DGKB: variants seen among roughly 807,000 people sequenced by gnomAD.
DGKB encodes 90 kDa diacylglycerol kinase.
In DGKB, 67 loss-of-function variants were observed where a neutral mutation model predicts 114.3. The ratio of observed to expected loss-of-function variants is 0.59; its 90% CI spans 0.48 to 0.72. DGKB has a LOEUF of 0.72. Ranked by LOEUF, DGKB falls within the 30% of genes least tolerant of loss-of-function variation. The pLI, the probability that DGKB is intolerant of heterozygous loss-of-function variation, is 0.00. For missense variants in DGKB, 907 were observed against 975.2 expected (o/e 0.93, Z 0.93); for synonymous variants, 398 against 323.1 (o/e 1.23, Z -2.49).
At chr7:14,495,518 C>T (rs973110541) in intron 20 of DGKB, among the ~76,000 whole-genome samples, 4 of 151,120 alleles carry the variant, frequency 2.6e-5, no homozygotes, top group African/African-American at 7.3e-5. Context: ...ACCAAGATGA[C>T]AATTTCAGCA....
At chr7:14,926,902 G>T (rs762215786) in intron 1 of DGKB, among the ~76,000 whole-genome samples, 3 of 151,902 alleles carry the variant, frequency 2.0e-5, no homozygotes, top group Non-Finnish European at 4.4e-5. Flanking sequence ...CCCTACAGAA[G>T]ATTCGTATTT....
intron 23 of DGKB, among the ~76,000 whole-genome samples, chr7:14,207,090 A>G (rs1230112302): frequency 1.3e-5 from 2 of 152,010 alleles, no homozygotes; most frequent in African/African-American, 4.8e-5. Flanking sequence ...GCTGCCCAAC[A>G]CTTTTTAAGC....
At chr7:14,670,848 C>G (rs1818849092) in intron 13 of DGKB, among the ~76,000 whole-genome samples, 1 of 152,004 alleles carries the variant, frequency 6.6e-6, no homozygotes, top group East Asian at 1.9e-4. Context: ...TCCATAAAAG[C>G]AAAGATTTGT....
chr7:14,357,291 G>C (rs1487597572), intron 21 of DGKB, among the ~76,000 whole-genome samples: 2 of 152,144 alleles, frequency 1.3e-5, no homozygotes, highest in Non-Finnish European at 2.9e-5. Context: ...TGTATTGGGT[G>C]CATATATATT....
chr7:14,177,942 C>G, intron 24 of DGKB, 89 bp downstream of exon 24: 1 of 1,340,174 alleles, frequency 7.5e-7, no homozygotes, highest in Non-Finnish European at 1.0e-6. Context: ...CCAAAGAAGA[C>G]AATGTTACTA....
intron 2 of DGKB, among the ~76,000 whole-genome samples, chr7:14,765,142 TA>T (rs1252450902): frequency 6.6e-6 from 1 of 151,956 alleles, no homozygotes; most frequent in African/African-American, 2.4e-5. Flanking sequence ...TTTAAAATCC[TA>T]AAAATAATAT....
At chr7:14,834,221 A>G (rs2128127380) in intron 2 of DGKB, among the ~76,000 whole-genome samples, 1 of 152,328 alleles carries the variant, frequency 6.6e-6, no homozygotes, top group Non-Finnish European at 1.5e-5. Flanking sequence ...ACTAACAAAA[A>G]TAAGAGCTAT....
At chr7:14,491,589 C>A (rs1054744849) in intron 20 of DGKB, among the ~76,000 whole-genome samples, 2 of 151,940 alleles carry the variant, frequency 1.3e-5, no homozygotes, top group African/African-American at 2.4e-5. Context: ...TTGCTAATGC[C>A]ATTAGCATCC....
rs543952451 is a variant in DGKB, at chr7:14,241,989, T to C, written c.2123-63838A>G. On this transcript the variant is annotated intron_variant, in intron 23 of 25. Coordinates refer to ENST00000402815, the MANE Select transcript of DGKB (RefSeq NM_001350709.2). ...ACACACACACACACACACACACACA[T>C]ATATATATACACAAAAGTGACCTAA... Among the ~76,000 whole-genome samples the C allele has an allele frequency of 2.2e-3, 326 of 150,590 alleles. 1 individual carries two copies. Among genetic ancestry groups the C allele is most frequent in the Middle Eastern group, 0.014 (4 of 290 alleles).
intron 23 of DGKB, among the ~76,000 whole-genome samples, chr7:14,256,244 C>T (rs566093052): frequency 6.6e-6 from 1 of 152,182 alleles, no homozygotes; most frequent in South Asian, 2.1e-4. Flanking sequence ...CTGAGTTGAT[C>T]TCTTAGCTCA....
intron 23 of DGKB, among the ~76,000 whole-genome samples, chr7:14,241,997 T>TAC (rs1278394217): frequency 8.7e-5 from 13 of 149,498 alleles, no homozygotes; most frequent in East Asian, 5.8e-4. Context: ...CATATATATA[T>TAC]ACACAAAAGT....
intron 24 of DGKB, among the ~76,000 whole-genome samples, chr7:14,177,122 T>C (rs1781869399): frequency 6.6e-6 from 1 of 152,058 alleles, no homozygotes; most frequent in African/African-American, 2.4e-5. Context: ...GTAGTGACAT[T>C]TAAAAAAATT....
At chr7:14,204,349 G>C (rs139026933) in intron 23 of DGKB, among the ~76,000 whole-genome samples, 117 of 152,024 alleles carry the variant, frequency 7.7e-4, no homozygotes, top group African/African-American at 2.8e-3. Flanking sequence ...GGCTTCAACT[G>C]TTCTAATTTA....
chr7:14,745,765 C>G (rs1378846528), intron 4 of DGKB, among the ~76,000 whole-genome samples: 1 of 148,494 alleles, frequency 6.7e-6, no homozygotes, highest in Admixed American at 6.8e-5. Flanking sequence ...ACTTTCCTTT[C>G]ACTTAATAAA....
chr7:14,902,356 G>C (rs1196419913), intron 1 of DGKB, among the ~76,000 whole-genome samples: 1 of 152,116 alleles, frequency 6.6e-6, no homozygotes, highest in Non-Finnish European at 1.5e-5. Flanking sequence ...AATCACAATG[G>C]ACAGGGCACT....
intron 21 of DGKB, among the ~76,000 whole-genome samples, chr7:14,345,756 T>C (rs1364293637): frequency 6.6e-6 from 1 of 151,658 alleles, no homozygotes; most frequent in African/African-American, 2.4e-5. Context: ...TTTAGTTCTT[T>C]CAAGAATTAA....
chr7:14,575,664 A>T (rs1799015092), intron 19 of DGKB, among the ~76,000 whole-genome samples: 2 of 152,224 alleles, frequency 1.3e-5, no homozygotes, highest in Admixed American at 6.5e-5. Context: ...TCAGAATTTG[A>T]AATATTGTAC....
At chr7:14,295,841 G>A (rs1393964607) in intron 23 of DGKB, among the ~76,000 whole-genome samples, 1 of 151,956 alleles carries the variant, frequency 6.6e-6, no homozygotes. Flanking sequence ...TTCTTCTGAT[G>A]CTATCCCTAC....
intron 1 of DGKB, among the ~76,000 whole-genome samples, chr7:14,916,886 C>G (rs1025035073): frequency 6.6e-6 from 1 of 152,010 alleles, no homozygotes. Context: ...AGACCACATT[C>G]TGGGCCCTAA....
Sources: allele counts gnomAD v4.1 joint callset (sites outside exome capture counted in the v4.1 genomes callset), GRCh38; gene constraint gnomAD v4.1.1; transcripts MANE v1.5; gene names NCBI Gene and HGNC (gene_info 2026-07-23, HGNC 2026-07-21).